CHD9: variants seen among roughly 807,000 people sequenced by gnomAD.
CHD9 encodes the protein ATP-dependent chromatin remodeler CHD9.
Under a neutral mutation model 316.1 loss-of-function variants are expected in CHD9, and 77 were observed. The ratio of observed to expected loss-of-function variants is 0.24; its 90% confidence interval spans 0.20 to 0.29. The LOEUF (loss-of-function observed/expected upper bound fraction) is 0.29, where lower values mean the gene tolerates loss of function less well. CHD9 is among the 10% of genes least tolerant of loss of function. The pLI is 1.00. For missense variants in CHD9, 2,763 were observed against 3,438.1 expected (o/e 0.80, Z 4.91); for synonymous variants, 1,129 against 1,158.3 (o/e 0.97, Z 0.51).
At chr16:53,213,642 G>A (rs577721727) in intron 3 of CHD9, among the ~76,000 whole-genome samples, 1 of 152,266 alleles carries the variant, frequency 6.6e-6, no homozygotes, top group East Asian at 1.9e-4. Context: ...TAGAATCTAG[G>A]ACTTCCAGTA....
intron 34 of CHD9, among the ~76,000 whole-genome samples, chr16:53,309,481 T>G (rs1321436032): frequency 6.6e-6 from 1 of 152,228 alleles, no homozygotes; most frequent in Non-Finnish European, 1.5e-5. Flanking sequence ...TGAAAGCAAT[T>G]ATCAGATCTC....
At chr16:53,269,774 C>G (rs1007494986) in intron 22 of CHD9, among the ~76,000 whole-genome samples, 1 of 152,080 alleles carries the variant, frequency 6.6e-6, no homozygotes, top group African/African-American at 2.4e-5. Flanking sequence ...CTATTCACAG[C>G]CAAAGATGAC....
intron 1 of CHD9, among the ~76,000 whole-genome samples, chr16:53,082,115 A>G (rs1248350392): frequency 2.0e-5 from 3 of 152,224 alleles, no homozygotes; most frequent in African/African-American, 4.8e-5. Flanking sequence ...GGTGTTCCAT[A>G]TCAGGAGGAA....
chr16:53,296,389 A>G (rs1452277331), intron 29 of CHD9, among the ~76,000 whole-genome samples: 2 of 151,288 alleles, frequency 1.3e-5, no homozygotes, highest in South Asian at 2.1e-4. Context: ...TTGGGGACAC[A>G]TGTCATCAGG....
At chr16:53,100,772 G>C (rs2152568151) in intron 1 of CHD9, among the ~76,000 whole-genome samples, 1 of 152,210 alleles carries the variant, frequency 6.6e-6, no homozygotes, top group African/African-American at 2.4e-5. Context: ...AGCTTGAGTA[G>C]AATCTACCTT....
chr16:53,153,801 A>C (rs888923309), intron 1 of CHD9, among the ~76,000 whole-genome samples: 7 of 152,072 alleles, frequency 4.6e-5, no homozygotes, highest in African/African-American at 1.7e-4. Flanking sequence ...CAGCCTCCCA[A>C]AGTGCTGGGA....
intron 2 of CHD9, among the ~76,000 whole-genome samples, chr16:53,198,437 C>G (rs2045141209): frequency 6.6e-6 from 1 of 151,850 alleles, no homozygotes; most frequent in South Asian, 2.1e-4. Flanking sequence ...AGCGATTCCC[C>G]TGCCTCAGCC....
intron 3 of CHD9, among the ~76,000 whole-genome samples, chr16:53,213,339 G>T (rs2046480236): frequency 1.3e-5 from 2 of 152,124 alleles, no homozygotes; most frequent in Admixed American, 1.3e-4. Context: ...CTGCTTTGGT[G>T]TTTTTTATGA....
intron 1 of CHD9, among the ~76,000 whole-genome samples, chr16:53,059,808 G>T (rs12919486): frequency 6.6e-6 from 1 of 152,124 alleles, no homozygotes; most frequent in Non-Finnish European, 1.5e-5. Context: ...TAATGTCCTC[G>T]TTAGGTTCTT....
intron 26 of CHD9, 42 bp from the exon 27 acceptor site, chr16:53,287,915 A>T (rs755877058): frequency 6.9e-7 from 1 of 1,454,726 alleles, no homozygotes; most frequent in Non-Finnish European, 9.7e-7. Context: ...TGAAATCTTA[A>T]GTCCATTACA....
intron 1 of CHD9, among the ~76,000 whole-genome samples, chr16:53,068,119 T>C (rs2033688109): frequency 6.6e-6 from 1 of 152,184 alleles, no homozygotes; most frequent in Non-Finnish European, 1.5e-5. Context: ...TTCCATCACT[T>C]ACTGGCTGTG....
At chr16:53,205,726 T>A (rs2045846350) in intron 2 of CHD9, among the ~76,000 whole-genome samples, 1 of 152,192 alleles carries the variant, frequency 6.6e-6, no homozygotes, top group Non-Finnish European at 1.5e-5. Flanking sequence ...TGAGTTGTTT[T>A]GGAAATCCTC....
rs1408452580 is a variant in CHD9 at position 53,292,901 on chromosome 16, C to T, written c.5359C>T (p.Arg1787Cys). ...TQSALTTRLR[R>C]LITAYQRTNK... ...ATCAGCTTTAACCACACGTTTGAGG[C>T]GTCTCATCACTGCATACCAGCGTAC... The change falls in exon 29 of 39, where the codon CGT becomes TGT. Residue 1787 changes from arginine (R) to cysteine (C), a missense_variant. Around this residue, in one of 15 missense-constraint regions of CHD9, gnomAD observed 183 missense variants for 258.5 expected, o/e 0.71. Coordinates refer to ENST00000447540, the MANE Select transcript of CHD9 (RefSeq NM_001308319.2). 5.0e-6 allele frequency: 8 copies of T among 1,613,574 alleles called. No individual in the cohort carries two copies. Among genetic ancestry groups the T allele is most frequent in the South Asian group, 1.1e-5 (1 of 91,074 alleles).
chr16:53,188,820 G>C (rs1014138237), intron 2 of CHD9, among the ~76,000 whole-genome samples: 1 of 151,518 alleles, frequency 6.6e-6, no homozygotes, highest in African/African-American at 2.4e-5. Context: ...CTTGACCTCA[G>C]GTGATCTGCC....
intron 2 of CHD9, among the ~76,000 whole-genome samples, chr16:53,202,516 A>G (rs74018910): frequency 2.5e-3 from 381 of 151,208 alleles, no homozygotes; most frequent in African/African-American, 8.5e-3. Context: ...CCTTTGTCCT[A>G]TGGAGTTTCC....
intron 1 of CHD9, among the ~76,000 whole-genome samples, chr16:53,149,002 C>T (rs906424666): frequency 1.3e-5 from 2 of 152,086 alleles, no homozygotes; most frequent in South Asian, 2.1e-4. Context: ...TAATTTTCCT[C>T]GTTATTTCTT....
In CHD9 at chr16:53,255,713, G is replaced by A. The variant is rs756405314; in HGVS notation, c.4143G>A (p.Gln1381=). 1 of 1,613,922 alleles carries A rather than the reference G, an allele frequency of 6.2e-7. No homozygotes were observed. The change falls in exon 19 of 39, where the codon CAG becomes CAA. Residue 1381 remains glutamine (Q), a synonymous_variant. Transcript: ENST00000447540. ...AATTCTGCGAAGAGGATATCGATCA[G>A]ATTTTACTACGTCGTACAAAAACTA... The part of the protein sequence containing the change: ...GSKFCEEDID[Q]ILLRRTKTIT...
chr16:53,105,544 A>T (rs527443515), intron 1 of CHD9, among the ~76,000 whole-genome samples: 118 of 152,310 alleles, frequency 7.7e-4, no homozygotes, highest in African/African-American at 2.8e-3. Context: ...ATGGTCACTT[A>T]GGTTGTTTCC....
In CHD9 at chr16:53,171,009, C is replaced by T. The variant is rs916385255; in HGVS notation, c.1452+13468C>T. 3.9e-5 allele frequency among the ~76,000 whole-genome samples: 6 copies of T among 152,188 alleles called. No individual in the cohort carries two copies. The East Asian group carries it at 9.6e-4, about 24-fold the overall frequency. Reference sequence around the variant, plus strand: ...TCTAAAATAATGTGTATTAAAGCAGCAGTATAGACACAGATAATATATATA... The same window carrying T: ...TCTAAAATAATGTGTATTAAAGCAGTAGTATAGACACAGATAATATATATA... On this transcript the variant is annotated intron_variant, in intron 2 of 38. Transcript: ENST00000447540.
Sources: allele counts gnomAD v4.1 joint callset (sites outside exome capture counted in the v4.1 genomes callset), GRCh38; gene constraint gnomAD v4.1.1; regional missense constraint gnomAD v4.1.1; transcripts MANE v1.5; gene names NCBI Gene and HGNC (gene_info 2026-07-23, HGNC 2026-07-21).